PTPN13: variants seen among roughly 807,000 people sequenced by gnomAD.
The protein encoded by PTPN13 is protein tyrosine phosphatase non-receptor type 13.
PTPN13 carries 191 observed loss-of-function variants against 284.0 expected under a neutral mutation model. The ratio of observed to expected loss-of-function variants is 0.67; its 90% CI spans 0.60 to 0.76. The LOEUF is 0.76. Ranked by LOEUF, PTPN13 falls within the 30% of genes least tolerant of loss-of-function variation. The pLI is 0.00. For missense variants in PTPN13, 2,797 were observed against 2,939.9 expected (o/e 0.95, Z 1.12); for synonymous variants, 986 against 1,022.3 (o/e 0.96, Z 0.68).
intron 1 of PTPN13, among the ~76,000 whole-genome samples, chr4:86,627,317 A>G (rs1364931752): frequency 1.3e-5 from 2 of 152,108 alleles, no homozygotes; most frequent in Admixed American, 6.6e-5. Context: ...AACATTGTAT[A>G]TTTTTACCAC....
rs747158661 is a variant in PTPN13 at position 86,750,881 on chromosome 4, TTAATAAG to T, written c.3066_3068+4del. The T allele has an allele frequency of 6.2e-7, 1 of 1,612,668 alleles. No individual in the cohort carries two copies. The highest frequency in any genetic ancestry group is 8.5e-7 in the Non-Finnish European group (1 of 1,179,358). ...GAATCTTTGGCAGGAGTGACAAAAC[TTAATAAG>T]TAAGAACATATTAACTAACCCAATT... On this transcript the variant is annotated splice_donor_variant and coding_sequence_variant, in exon 18 of 48. Coordinates refer to ENST00000411767, the MANE Select transcript of PTPN13 (RefSeq NM_080683.3). LOFTEE classifies it high-confidence loss of function.
intron 3 of PTPN13, among the ~76,000 whole-genome samples, chr4:86,684,654 T>A (rs1334251130): frequency 2.0e-5 from 3 of 152,124 alleles, no homozygotes; most frequent in East Asian, 3.9e-4. Flanking sequence ...CCACTTTTAT[T>A]ACATATATCT....
chr4:86,647,694 T>G (rs943799948), intron 2 of PTPN13, among the ~76,000 whole-genome samples: 1 of 152,080 alleles, frequency 6.6e-6, no homozygotes, highest in African/African-American at 2.4e-5. Flanking sequence ...TTCAAAGACC[T>G]TATAATGTTA....
rs1017609343 is a variant in PTPN13, at chr4:86,740,922, A to C, written c.2305-712A>C. Among the ~76,000 whole-genome samples the C allele has an allele frequency of 9.9e-5, 15 of 151,760 alleles. No homozygotes were observed. The East Asian group carries it at 1.9e-3, about 20-fold the overall frequency. On this transcript the variant is annotated intron_variant, in intron 15 of 47. Coordinates refer to ENST00000411767, the MANE Select transcript of PTPN13 (RefSeq NM_080683.3). ...CTGCCAATCTCTTTGCAAAAAAAAA[A>C]GAAAAAGAAAAAGAAAATAACAAGA...
intron 2 of PTPN13, among the ~76,000 whole-genome samples, chr4:86,671,411 A>G (rs1247406572): frequency 2.0e-5 from 3 of 152,106 alleles, no homozygotes; most frequent in Admixed American, 6.6e-5. Flanking sequence ...TTCTATAGCT[A>G]TTATCTTGAG....
chr4:86,652,962 G>A (rs1725268781), intron 2 of PTPN13, among the ~76,000 whole-genome samples: 1 of 151,422 alleles, frequency 6.6e-6, no homozygotes, highest in African/African-American at 2.4e-5. Context: ...CCCCGACTGT[G>A]TATTTCCATA....
chr4:86,628,140 A>C (rs1722042261), intron 1 of PTPN13, among the ~76,000 whole-genome samples: 1 of 152,166 alleles, frequency 6.6e-6, no homozygotes, highest in Non-Finnish European at 1.5e-5. Context: ...CTATATTAAC[A>C]GTTTTCCAAA....
chr4:86,780,338 G>T, intron 35 of PTPN13, 64 bp from the exon 36 acceptor site: 1 of 1,355,460 alleles, frequency 7.4e-7, no homozygotes, highest in South Asian at 1.2e-5. Context: ...AGGATTGCTT[G>T]GGCCTGGGAG....
chr4:86,619,494 T>C (rs1334759327), intron 1 of PTPN13, among the ~76,000 whole-genome samples: 1 of 152,202 alleles, frequency 6.6e-6, no homozygotes, highest in Non-Finnish European at 1.5e-5. Flanking sequence ...ACATGAGATT[T>C]TATCCTGAAT....
intron 1 of PTPN13, among the ~76,000 whole-genome samples, chr4:86,625,757 C>A (rs150748793): frequency 1.1e-4 from 16 of 152,224 alleles, no homozygotes; most frequent in East Asian, 9.7e-4. Flanking sequence ...TAGGTCCTTG[C>A]GATATGCCCC....
At chr4:86,620,780 A>G (rs1437935804) in intron 1 of PTPN13, among the ~76,000 whole-genome samples, 1 of 152,218 alleles carries the variant, frequency 6.6e-6, no homozygotes, top group African/African-American at 2.4e-5. Context: ...TCAGTGCATT[A>G]CTATCTCTTT....
intron 10 of PTPN13, among the ~76,000 whole-genome samples, chr4:86,724,284 A>G (rs1205839996): frequency 6.6e-6 from 1 of 152,208 alleles, no homozygotes; most frequent in African/African-American, 2.4e-5. Flanking sequence ...AAACTAAGTA[A>G]TAGGCAGGAT....
chr4:86,638,511 C>G (rs555449222), intron 2 of PTPN13, among the ~76,000 whole-genome samples: 28 of 152,224 alleles, frequency 1.8e-4, no homozygotes, highest in African/African-American at 6.7e-4. Flanking sequence ...ACAGAGCCCT[C>G]AGAAATAATG....
At chr4:86,713,920 A>C (rs1732710726) in intron 7 of PTPN13, among the ~76,000 whole-genome samples, 1 of 152,096 alleles carries the variant, frequency 6.6e-6, no homozygotes, top group South Asian at 2.1e-4. Context: ...TTCCAACATA[A>C]GGAATAATTC....
rs556644125 is a variant in PTPN13 at position 86,803,104 on chromosome 4, A to G, written c.6506-605A>G. On this transcript the variant is annotated intron_variant, in intron 42 of 47. Coordinates refer to ENST00000411767, the MANE Select transcript of PTPN13 (RefSeq NM_080683.3). ...TGTGTGTGTGTGTGTGTGTGTGTGT[A>G]TAAAATAAAATAAAGACCTTCTTAG... 4.7e-3 allele frequency among the ~76,000 whole-genome samples: 540 copies of G among 114,054 alleles called. 9 individuals are homozygous for G. The highest frequency in any genetic ancestry group is 0.016 in the African/African-American group (492 of 30,132). 74.8% of individuals were successfully genotyped at this position (114,054 alleles called of 152,430 possible). A position where few individuals can be genotyped will look rare whatever the true frequency, so the allele number is the denominator to read the frequency against.
At chr4:86,710,660 A>C (rs2149045741) in intron 7 of PTPN13, among the ~76,000 whole-genome samples, 1 of 152,338 alleles carries the variant, frequency 6.6e-6, no homozygotes, top group Non-Finnish European at 1.5e-5. Context: ...TCAAGAACTT[A>C]TGGCAAAACA....
intron 7 of PTPN13, among the ~76,000 whole-genome samples, chr4:86,715,520 A>G (rs1732920432): frequency 6.6e-6 from 1 of 152,298 alleles, no homozygotes; most frequent in African/African-American, 2.4e-5. Context: ...TGAACCCAGG[A>G]GTCCAGCACT....
intron 1 of PTPN13, among the ~76,000 whole-genome samples, chr4:86,609,209 C>T (rs1765052548): frequency 2.6e-5 from 4 of 151,944 alleles, no homozygotes; most frequent in Admixed American, 2.6e-4. Flanking sequence ...TACTGTTATC[C>T]CTATGAAAAT....
chr4:86,799,831 T>TTC (rs1323534563), intron 42 of PTPN13, among the ~76,000 whole-genome samples: 2 of 132,220 alleles, frequency 1.5e-5, no homozygotes, highest in East Asian at 4.3e-4. Flanking sequence ...GGCACTTTTT[T>TTC]TTTTTTTTTT....
Sources: allele counts gnomAD v4.1 joint callset (sites outside exome capture counted in the v4.1 genomes callset), GRCh38; gene constraint gnomAD v4.1.1; transcripts MANE v1.5; gene names NCBI Gene and HGNC (gene_info 2026-07-23, HGNC 2026-07-21).